The following CNTNAP2 variants were observed in gnomAD, a reference collection of about 807,000 sequenced individuals.
The protein encoded by CNTNAP2 is contactin associated protein 2.
In CNTNAP2, 98 loss-of-function variants were observed where a neutral mutation model predicts 155.2. That is an observed-to-expected ratio of 0.63 (90% CI 0.54 to 0.75). CNTNAP2 has a LOEUF of 0.75. Among genes scored for constraint, CNTNAP2 ranks in the 30% least tolerant of loss-of-function variants. The pLI is 0.00. For missense variants in CNTNAP2, 1,727 were observed against 1,688.1 expected (o/e 1.02, Z -0.40); for synonymous variants, 651 against 631.2 (o/e 1.03, Z -0.47).
rs1319398015 is a variant in CNTNAP2 at position 147,508,792 on chromosome 7, C to A, written c.1777+22751C>A. Among the ~76,000 whole-genome samples the A allele has an allele frequency of 5.3e-5, 8 of 152,274 alleles. No homozygotes were observed. In the East Asian group the frequency reaches 1.2e-3, roughly 22 times the overall value. ...CCTGCACACTCTCTCTTGCCTGACA[C>A]TATGTAAGACATGCCTATGACTCCT... On this transcript the variant is annotated intron_variant, in intron 11 of 23. Transcript: ENST00000361727.
intron 1 of CNTNAP2, among the ~76,000 whole-genome samples, chr7:146,549,648 A>G (rs1397270802): frequency 2.0e-5 from 3 of 152,100 alleles, no homozygotes; most frequent in Admixed American, 2.0e-4. Flanking sequence ...GAAGGAGGCT[A>G]TAATTTCTAT....
At chr7:146,886,802 C>A (rs899951474) in intron 3 of CNTNAP2, among the ~76,000 whole-genome samples, 1 of 150,132 alleles carries the variant, frequency 6.7e-6, no homozygotes, top group Non-Finnish European at 1.5e-5. Context: ...TGAGTGAATT[C>A]TCTTTATGCG....
At chr7:147,588,154 G>C (rs1018660922) in intron 12 of CNTNAP2, among the ~76,000 whole-genome samples, 8 of 151,986 alleles carry the variant, frequency 5.3e-5, no homozygotes, top group African/African-American at 1.9e-4. Flanking sequence ...TTTTTGTAGA[G>C]TCTGAGACTT....
At chr7:147,792,358 A>T (rs1227870250) in intron 13 of CNTNAP2, among the ~76,000 whole-genome samples, 2 of 119,652 alleles carry the variant, frequency 1.7e-5, no homozygotes, top group African/African-American at 9.3e-5. Flanking sequence ...CCAACTTCTC[A>T]GCCCTAAGCA....
At chr7:146,443,104 C>G (rs1056340909) in intron 1 of CNTNAP2, among the ~76,000 whole-genome samples, 12 of 151,820 alleles carry the variant, frequency 7.9e-5, no homozygotes, top group African/African-American at 2.9e-4. Flanking sequence ...GTCCCAGCTA[C>G]TAGGGAGGCT....
intron 3 of CNTNAP2, among the ~76,000 whole-genome samples, chr7:147,017,994 T>C (rs1798754229): frequency 6.6e-6 from 1 of 152,046 alleles, no homozygotes. Context: ...TCTTTTGTAA[T>C]TTATTAGTCT....
At chr7:146,855,578 AG>A (rs1448069397) in intron 3 of CNTNAP2, among the ~76,000 whole-genome samples, 1 of 151,954 alleles carries the variant, frequency 6.6e-6, no homozygotes, top group Non-Finnish European at 1.5e-5. Context: ...AAAAGTACAA[AG>A]AGCGTTTATT....
chr7:148,120,275 CTTT>C (rs926821629), intron 16 of CNTNAP2, among the ~76,000 whole-genome samples: 1 of 147,978 alleles, frequency 6.8e-6, no homozygotes, highest in South Asian at 2.2e-4. Context: ...CTACTTTTTT[CTTT>C]TTTTTTGAGA....
At chr7:146,422,980 G>T (rs1289437383) in intron 1 of CNTNAP2, among the ~76,000 whole-genome samples, 2 of 152,130 alleles carry the variant, frequency 1.3e-5, no homozygotes, top group Non-Finnish European at 2.9e-5. Flanking sequence ...TGTATTTTCT[G>T]TGAAGAAAAT....
intron 16 of CNTNAP2, among the ~76,000 whole-genome samples, chr7:148,142,881 GCCAAGAGCTCTCCATGGTTTTGTC>G (rs558574343): frequency 3.3e-5 from 5 of 152,304 alleles, no homozygotes; most frequent in Non-Finnish European, 7.4e-5. Flanking sequence ...GCGTGAACAT[GCCAAGAGCTCTCCATGGTTTTGTC>G]CCAATCATTA....
intron 15 of CNTNAP2, among the ~76,000 whole-genome samples, chr7:148,048,377 T>C (rs576326564): frequency 5.9e-5 from 9 of 152,286 alleles, no homozygotes; most frequent in Admixed American, 2.0e-4. Flanking sequence ...AATTTAAAAA[T>C]GAAAAACTTC....
At chr7:146,196,434 G>A (rs975161791) in intron 1 of CNTNAP2, among the ~76,000 whole-genome samples, 1 of 152,156 alleles carries the variant, frequency 6.6e-6, no homozygotes, top group Non-Finnish European at 1.5e-5. Context: ...GCACATGGGA[G>A]TTTTGAGTGG....
At chr7:147,385,072 C>G (rs1224938492) in intron 9 of CNTNAP2, among the ~76,000 whole-genome samples, 2 of 152,116 alleles carry the variant, frequency 1.3e-5, no homozygotes, top group Admixed American at 6.6e-5. Context: ...AGAACTTGTG[C>G]AGGGAAACTC....
intron 1 of CNTNAP2, among the ~76,000 whole-genome samples, chr7:146,275,146 T>G (rs752611550): frequency 6.6e-6 from 1 of 152,228 alleles, no homozygotes; most frequent in Non-Finnish European, 1.5e-5. Context: ...CCATTGAAAG[T>G]CAATTCTCCC....
intron 1 of CNTNAP2, among the ~76,000 whole-genome samples, chr7:146,215,397 C>CA (rs2116888623): frequency 6.6e-6 from 1 of 152,136 alleles, no homozygotes; most frequent in South Asian, 2.1e-4. Context: ...CAAATTCCTT[C>CA]AAAAATATAA....
chr7:146,785,563 G>C (rs1486907772), intron 2 of CNTNAP2, among the ~76,000 whole-genome samples: 1 of 152,126 alleles, frequency 6.6e-6, no homozygotes, highest in Non-Finnish European at 1.5e-5. Flanking sequence ...GTTAAATCAA[G>C]AGTTAATATT....
At chr7:148,333,204 G>T (rs1242539170) in intron 21 of CNTNAP2, among the ~76,000 whole-genome samples, 1 of 152,176 alleles carries the variant, frequency 6.6e-6, no homozygotes, top group African/African-American at 2.4e-5. Flanking sequence ...AAGGTAGGTG[G>T]ATCACCTGAG....
chr7:147,862,338 C>A lies in CNTNAP2; in HGVS notation c.2099-41227C>A, dbSNP rs549681104. Among the ~76,000 whole-genome samples, 13 of 152,288 alleles carry A rather than the reference C, an allele frequency of 8.5e-5. No homozygotes were observed. The South Asian group carries it at 2.5e-3, about 29-fold the overall frequency. On this transcript the variant is annotated intron_variant, in intron 13 of 23. Coordinates refer to ENST00000361727, the MANE Select transcript of CNTNAP2 (RefSeq NM_014141.6). The stretch of plus-strand genomic sequence containing the variant: ...TTTCAACCATTCCCCCGTACTCCTC[C>A]AAGCATTCTATTTGGCTTGTGTCGT...
At chr7:148,004,363 A>C (rs1458127277) in intron 15 of CNTNAP2, among the ~76,000 whole-genome samples, 1 of 152,162 alleles carries the variant, frequency 6.6e-6, no homozygotes, top group Non-Finnish European at 1.5e-5. Context: ...TTACTACATA[A>C]ATTTTTCTTA....
Sources: allele counts gnomAD v4.1 joint callset (sites outside exome capture counted in the v4.1 genomes callset), GRCh38; gene constraint gnomAD v4.1.1; transcripts MANE v1.5; gene names NCBI Gene and HGNC (gene_info 2026-07-23, HGNC 2026-07-21).